Variants in CDH2 observed in about 807,000 individuals in gnomAD.
The protein encoded by CDH2 is cadherin-2.
CDH2 carries 17 observed loss-of-function variants against 92.0 expected under a neutral mutation model. The observed-to-expected ratio is 0.18, with a 90% CI of 0.13 to 0.28. The LOEUF is 0.28. Among genes scored for constraint, CDH2 ranks in the 10% least tolerant of loss-of-function variants. The pLI is 1.00. For missense variants in CDH2, 862 were observed against 1,133.1 expected (o/e 0.76, Z 3.44); for synonymous variants, 419 against 415.9 (o/e 1.01, Z -0.09).
At chr18:28,068,632 T>C (rs1220482125) in intron 2 of CDH2, among the ~76,000 whole-genome samples, 1 of 152,224 alleles carries the variant, frequency 6.6e-6, no homozygotes, top group Non-Finnish European at 1.5e-5. Flanking sequence ...TGAGCCTTGT[T>C]CGAGACTATT....
intron 5 of CDH2, among the ~76,000 whole-genome samples, chr18:28,008,381 G>A (rs2013000626): frequency 6.6e-6 from 1 of 152,164 alleles, no homozygotes; most frequent in Non-Finnish European, 1.5e-5. Context: ...AAAATGGAAT[G>A]ATGAAGAAAT....
At chr18:28,042,351 T>C (rs147742346) in intron 2 of CDH2, among the ~76,000 whole-genome samples, 66 of 152,314 alleles carry the variant, frequency 4.3e-4, no homozygotes, top group Non-Finnish European at 6.5e-4. Context: ...CTGACTCAGA[T>C]GACATTTAAG....
At chr18:27,942,259 G>T (rs1054944722) in intron 6 of CDH2, among the ~76,000 whole-genome samples, 3 of 152,116 alleles carry the variant, frequency 2.0e-5, no homozygotes, top group African/African-American at 7.2e-5. Flanking sequence ...AACTTAAAAA[G>T]CTTTTTGAGA....
intron 7 of CDH2, among the ~76,000 whole-genome samples, chr18:28,002,546 T>G (rs898386353): frequency 6.6e-6 from 1 of 152,178 alleles, no homozygotes; most frequent in Non-Finnish European, 1.5e-5. Context: ...GATAATCTAC[T>G]ATATACTATG....
intron 4 of CDH2, among the ~76,000 whole-genome samples, chr18:28,010,526 T>G (rs1240355093): frequency 6.6e-6 from 1 of 151,916 alleles, no homozygotes; most frequent in Non-Finnish European, 1.5e-5. Context: ...ATACAACTAC[T>G]CTCAAGAAAA....
intron 2 of CDH2, among the ~76,000 whole-genome samples, chr18:28,057,321 T>C (rs1292060147): frequency 6.6e-6 from 1 of 152,232 alleles, no homozygotes; most frequent in African/African-American, 2.4e-5. Context: ...TGGCAGACTT[T>C]CATGCTAAAA....
At chr18:28,023,902 C>T (rs1479504799) in intron 2 of CDH2, among the ~76,000 whole-genome samples, 1 of 152,090 alleles carries the variant, frequency 6.6e-6, no homozygotes, top group African/African-American at 2.4e-5. Context: ...TCTTCTGCTT[C>T]ATTTGTTTCC....
In CDH2 at chr18:27,935,177, C is replaced by T. The variant is rs7240241; in HGVS notation, c.1152-2053G>A. ...TTAGTCCATTCTCACACTGCTATAA[C>T]GATACACCTGAGACTGGGTGATTGA... On this transcript the variant is annotated intron_variant, in intron 6 of 6. Coordinates refer to the CDH2 transcript ENST00000675173. 2.6e-5 allele frequency among the ~76,000 whole-genome samples: 4 copies of T among 151,972 alleles called. 1 individual carries two copies. In the South Asian group the frequency reaches 8.3e-4, roughly 32 times the overall value.
intron 2 of CDH2, among the ~76,000 whole-genome samples, chr18:28,073,114 G>A (rs914448531): frequency 6.6e-6 from 1 of 151,930 alleles, no homozygotes; most frequent in African/African-American, 2.4e-5. Context: ...GAATACCAAT[G>A]AGAATCATCA....
At position 27,951,300 on chromosome 18, in the gene CDH2, G is replaced by C. The variant is rs200660336; in HGVS notation, c.*853C>G. 14 of 151,606 alleles carry C rather than the reference G, an allele frequency of 9.2e-5. No homozygotes were observed. Among genetic ancestry groups the C allele is most frequent in the African/African-American group, 1.9e-4 (8 of 41,142 alleles). 9.4% of individuals were successfully genotyped at this position (151,606 alleles called of 1,614,324 possible). A position where few individuals can be genotyped will look rare whatever the true frequency, so the allele number is the denominator to read the frequency against. ...GTATTCTAACTACAGCTCAACAATT[G>C]AATCAAATGTCACTGTTTTGTAAAT... On this transcript the variant is annotated 3_prime_UTR_variant, in exon 16 of 16. Transcript: ENST00000269141.
At chr18:27,958,577 A>C (rs2143871618) in intron 15 of CDH2, among the ~76,000 whole-genome samples, 1 of 150,280 alleles carries the variant, frequency 6.7e-6, no homozygotes, top group Admixed American at 6.7e-5. Context: ...GTATATTTGT[A>C]TATACACATA....
At chr18:27,964,004 T>C (rs1158745987) in intron 14 of CDH2, among the ~76,000 whole-genome samples, 1 of 152,184 alleles carries the variant, frequency 6.6e-6, no homozygotes, top group Non-Finnish European at 1.5e-5. Context: ...AAAACTATGA[T>C]CTCTGGGCCC....
chr18:28,044,746 G>GT (rs1288764488), intron 2 of CDH2, among the ~76,000 whole-genome samples: 2 of 150,142 alleles, frequency 1.3e-5, no homozygotes, highest in African/African-American at 4.9e-5. Flanking sequence ...GCTTGCACAT[G>GT]TTTTCAACTT....
In CDH2 at chr18:27,992,711, G is replaced by A. The variant is rs199882009; in HGVS notation, c.1288C>T (p.Arg430Trp). The A allele has an allele frequency of 3.6e-5, 58 of 1,613,766 alleles. No homozygotes were observed. Among genetic ancestry groups the A allele is most frequent in the Middle Eastern group, 3.3e-4 (2 of 6,082 alleles). Residue 430 changes from arginine (R) to tryptophan (W), a missense_variant, in exon 9 of 16, where the codon CGG becomes TGG. By Grantham distance (101) the Arg-to-Trp change is moderately radical. Around this residue, in one of 5 missense-constraint regions of CDH2, gnomAD observed 564 missense variants for 722.2 expected, o/e 0.78. Coordinates refer to ENST00000269141, the MANE Select transcript of CDH2 (RefSeq NM_001792.5). ...YRISGGDPTG[R>W]FAIQTDPNSN... ...TTTGGGTCGGTCTGGATGGCGAACC[G>A]TCCAGTAGGATCTCCGCCACTGATT...
In CDH2 at chr18:28,101,697, G is replaced by C. The variant is rs559221461; in HGVS notation, c.172+45976C>G. ...AGAAAAAGGATTGATTGAAGTACAAGCATAAACTTTTCTGCCATCCAGGAA... is the reference window on the plus strand; with the variant it reads ...AGAAAAAGGATTGATTGAAGTACAACCATAAACTTTTCTGCCATCCAGGAA... On this transcript the variant is annotated intron_variant, in intron 2 of 15. Transcript: ENST00000269141. 1.3e-3 allele frequency among the ~76,000 whole-genome samples: 192 copies of C among 152,078 alleles called. 1 individual carries two copies. Among genetic ancestry groups the C allele is most frequent in the Non-Finnish European group, 1.9e-3 (131 of 68,010 alleles).
chr18:28,156,102 A>C (rs1161490892), intron 1 of CDH2, among the ~76,000 whole-genome samples: 1 of 152,172 alleles, frequency 6.6e-6, no homozygotes. Flanking sequence ...AATGAATACC[A>C]CACTGAGGCC....
In CDH2 at chr18:28,043,481, T is replaced by A. The variant is rs867630935; in HGVS notation, c.173-29572A>T. 5.9e-4 allele frequency among the ~76,000 whole-genome samples: 45 copies of A among 76,058 alleles called. 1 individual carries two copies. The highest frequency in any genetic ancestry group is 1.7e-3 in the South Asian group (3 of 1,752). 49.9% of individuals were successfully genotyped at this position (76,058 alleles called of 152,430 possible). ...AAATAAATATATATATATATATATA[T>A]ATATATATATATAAATATATATATA... On this transcript the variant is annotated intron_variant, in intron 2 of 15. Coordinates refer to ENST00000269141, the MANE Select transcript of CDH2 (RefSeq NM_001792.5).
intron 2 of CDH2, chr18:28,036,605 G>A: frequency 8.4e-7 from 1 of 1,193,838 alleles, no homozygotes; most frequent in Non-Finnish European, 1.2e-6. Flanking sequence ...AGTCATAATA[G>A]GTATGTCAGA....
chr18:27,971,427 A>T (rs1299623751), intron 14 of CDH2, among the ~76,000 whole-genome samples: 3 of 151,734 alleles, frequency 2.0e-5, no homozygotes, highest in Non-Finnish European at 2.9e-5. Flanking sequence ...GAAAATTTGT[A>T]ATCAGCCAGG....
Sources: gnomAD v4.1 joint callset for allele counts (sites outside exome capture counted in the v4.1 genomes callset) on GRCh38, gnomAD v4.1.1 for gene constraint, gnomAD v4.1.1 regional missense constraint, MANE v1.5 for transcripts, NCBI Gene and HGNC (gene_info 2026-07-23, HGNC 2026-07-21) for gene names.